Variants in MALT1 observed in about 807,000 individuals in gnomAD.
MALT1 encodes the protein MALT1 paracaspase.
MALT1 carries 36 observed loss-of-function variants against 85.5 expected under a neutral mutation model. That is an observed-to-expected ratio of 0.42 (90% CI 0.32 to 0.56). MALT1 has a LOEUF of 0.56. Among genes scored for constraint, MALT1 ranks in the 20% least tolerant of loss-of-function variants. MALT1 has a pLI of 0.10. For missense variants in MALT1, 716 were observed against 981.6 expected (o/e 0.73, Z 3.62); for synonymous variants, 359 against 361.3 (o/e 0.99, Z 0.07).
intron 1 of MALT1, among the ~76,000 whole-genome samples, chr18:58,675,634 A>G (rs766414836): frequency 6.6e-6 from 1 of 152,212 alleles, no homozygotes; most frequent in African/African-American, 2.4e-5. Context: ...ACAGAATTTT[A>G]TTGATTTAGG....
intron 2 of MALT1, among the ~76,000 whole-genome samples, chr18:58,689,252 A>G (rs1355413227): frequency 9.6e-6 from 1 of 104,152 alleles, no homozygotes; most frequent in Non-Finnish European, 1.8e-5. Flanking sequence ...CTGCCATTTT[A>G]CAATGTAAAA....
At position 58,747,655 on chromosome 18, in the gene MALT1, C is replaced by T. The variant is rs768162253; in HGVS notation, c.2288C>T (p.Ser763Leu). The T allele has an allele frequency of 1.2e-6, 2 of 1,614,036 alleles. No homozygotes were observed. Among genetic ancestry groups the T allele is most frequent in the African/African-American group, 2.7e-5 (2 of 74,930 alleles). ...LQDPFHGVYHSHPGNPSNVTP... is the reference protein window; with the variant it reads ...LQDPFHGVYHLHPGNPSNVTP... Reference sequence around the variant, plus strand: ...GACCCATTCCATGGTGTTTACCATTCACATCCTGGTAATCCAAGTAATGTT... The same window carrying T: ...GACCCATTCCATGGTGTTTACCATTTACATCCTGGTAATCCAAGTAATGTT... Residue 763 changes from serine to leucine, a missense_variant, in exon 17 of 17, where the codon TCA (serine) becomes TTA (leucine). By Grantham distance (145) the Ser-to-Leu change is moderately radical. Transcript: ENST00000649217.
chr18:58,680,658 GATTT>G (rs2054306043), intron 1 of MALT1, among the ~76,000 whole-genome samples: 2 of 152,248 alleles, frequency 1.3e-5, no homozygotes, highest in East Asian at 3.9e-4. Flanking sequence ...TCATTCTCCT[GATTT>G]AATAATCATG....
chr18:58,676,450 C>T (rs568543699), intron 1 of MALT1, among the ~76,000 whole-genome samples: 1 of 152,292 alleles, frequency 6.6e-6, no homozygotes, highest in African/African-American at 2.4e-5. Context: ...CTGATATCTT[C>T]TTGTCTCCAT....
At chr18:58,720,520 A>C (rs2054968899) in intron 9 of MALT1, among the ~76,000 whole-genome samples, 1 of 152,196 alleles carries the variant, frequency 6.6e-6, no homozygotes, top group African/African-American at 2.4e-5. Context: ...CATTGGAGGA[A>C]AATTTTAGAA....
rs1423846160 is a variant in MALT1, at chr18:58,754,109, G to A, written c.*6267G>A. ...CTTGCAGTTTATAGATGAACTGATTGTTAGGCTAACCAGAGGTGTTACTAT... is the reference window on the plus strand; with the variant it reads ...CTTGCAGTTTATAGATGAACTGATTATTAGGCTAACCAGAGGTGTTACTAT... On this transcript the variant is annotated 3_prime_UTR_variant, in exon 17 of 17. Transcript: ENST00000649217. The A allele has an allele frequency of 1.3e-5, 2 of 152,174 alleles. No individual in the cohort carries two copies. The highest frequency in any genetic ancestry group is 2.9e-5 in the Non-Finnish European group (2 of 68,030). 9.4% of individuals were successfully genotyped at this position (152,174 alleles called of 1,614,324 possible).
chr18:58,699,974 G>A lies in MALT1; in HGVS notation c.499-467G>A, dbSNP rs111599851. ...CTTACAGAATTTTGCAGATCAGAAG[G>A]TCCGGGGTCTCAAGGTGAAATAACT... is the stretch of plus-strand genomic sequence containing the variant. On this transcript the variant is annotated intron_variant, in intron 3 of 16. Transcript: ENST00000649217. Among the ~76,000 whole-genome samples, 1,092 of 152,340 alleles carry A rather than the reference G, an allele frequency of 7.2e-3. 15 individuals are homozygous for A. The highest frequency in any genetic ancestry group is 0.025 in the African/African-American group (1,041 of 41,572).
Position 58,745,653 on chromosome 18 carries a change from T to G in MALT1, c.1912-13T>G. 6.2e-7 allele frequency: 1 copy of G among 1,605,446 alleles called. No homozygotes were observed. The highest frequency in any genetic ancestry group is 8.5e-7 in the Non-Finnish European group (1 of 1,175,092). On this transcript the variant is annotated splice_polypyrimidine_tract_variant and intron_variant, in intron 15 of 16. Coordinates refer to ENST00000649217, the MANE Select transcript of MALT1 (RefSeq NM_006785.4). ...ATTTCATTATTAACAGTCCCTAATT[T>G]TTTTTTTTACAGGATCTAGATATTG...
At chr18:58,722,981 C>T (rs1602322881) in intron 9 of MALT1, 67 bp from the exon 10 acceptor site, 4 of 989,960 alleles carry the variant, frequency 4.0e-6, no homozygotes, top group South Asian at 1.5e-5. Context: ...ATTATAATAC[C>T]ATCTCCATAG....
At position 58,715,986 on chromosome 18, in the gene MALT1, T is replaced by C. The variant is rs371495313; in HGVS notation, c.1018+19T>C. The C allele has an allele frequency of 1.3e-6, 2 of 1,561,950 alleles. No individual in the cohort carries two copies. The highest frequency in any genetic ancestry group is 2.2e-5 in the East Asian group (1 of 44,560). ...CCTTTGGGTGAGTAGAACTTTAAAA[T>C]GCATTATCAAAGTATAATTATTGTG... On this transcript the variant is annotated intron_variant, in intron 9 of 16. Coordinates refer to ENST00000649217, the MANE Select transcript of MALT1 (RefSeq NM_006785.4).
chr18:58,696,400 A>T lies in MALT1; in HGVS notation c.411A>T (p.Ala137=). The T allele has an allele frequency of 6.4e-7, 1 of 1,553,688 alleles. No individual in the cohort carries two copies. The highest frequency in any genetic ancestry group is 8.7e-7 in the Non-Finnish European group (1 of 1,151,370). ...IKITVNPESK[A]VLAGQFVKLC... Reference sequence around the variant, plus strand: ...TTACTGTAAACCCAGAGTCAAAGGCAGTCTTGGCTGGACAGTTTGTGAAAC... The same window carrying T: ...TTACTGTAAACCCAGAGTCAAAGGCTGTCTTGGCTGGACAGTTTGTGAAAC... The change falls in exon 3 of 17, where the codon GCA becomes GCT. Residue 137 remains alanine (A), a synonymous_variant. Coordinates refer to ENST00000649217, the MANE Select transcript of MALT1 (RefSeq NM_006785.4).
At chr18:58,723,839 T>C (rs2055017399) in intron 10 of MALT1, among the ~76,000 whole-genome samples, 1 of 152,252 alleles carries the variant, frequency 6.6e-6, no homozygotes, top group Non-Finnish European at 1.5e-5. Context: ...TTTTCCCCAT[T>C]CTTTCACCTA....
chr18:58,721,764 G>A (rs77767290), intron 9 of MALT1, among the ~76,000 whole-genome samples: 7,186 of 152,204 alleles, frequency 0.047, 204 homozygotes, highest in East Asian at 0.072. Context: ...TATTGTAGAC[G>A]TCGAGTCAGC....
intron 2 of MALT1, among the ~76,000 whole-genome samples, chr18:58,684,177 A>G (rs1355790969): frequency 6.6e-6 from 1 of 152,090 alleles, no homozygotes; most frequent in Non-Finnish European, 1.5e-5. Context: ...TAAGCAGTCC[A>G]CCTGCCCTGG....
intron 1 of MALT1, chr18:58,675,535 C>T (rs1356621925): frequency 6.6e-6 from 1 of 152,144 alleles, no homozygotes; most frequent in Non-Finnish European, 1.5e-5. Flanking sequence ...TTGCTTGAGC[C>T]CAGGAGTTCG....
At chr18:58,698,075 G>GTTTTTTTTT (rs1315560558) in intron 3 of MALT1, among the ~76,000 whole-genome samples, 1 of 92,834 alleles carries the variant, frequency 1.1e-5, no homozygotes, top group African/African-American at 3.2e-5. Flanking sequence ...TTGTTTTTTT[G>GTTTTTTTTT]TTTTTTTTTT....
At chr18:58,711,773 C>T (rs546006036) in intron 7 of MALT1, among the ~76,000 whole-genome samples, 3 of 152,114 alleles carry the variant, frequency 2.0e-5, no homozygotes, top group Non-Finnish European at 4.4e-5. Context: ...TTCTGATTTT[C>T]CTGTCCTTCA....
chr18:58,724,477 A>ATTCTT lies in MALT1; in HGVS notation c.1222+1226_1222+1227insTTCTT, dbSNP rs1321698760. On this transcript the variant is annotated intron_variant, in intron 10 of 16. Coordinates refer to ENST00000649217, the MANE Select transcript of MALT1 (RefSeq NM_006785.4). ...GAATCCATCCATTTTTTTCTTATGA[A>ATTCTT]AATATGAAAGAATATACAATGCAAA... Among the ~76,000 whole-genome samples the ATTCTT allele has an allele frequency of 1.5e-4, 23 of 152,278 alleles. 1 individual carries two copies. The South Asian group carries it at 4.1e-3, about 27-fold the overall frequency.
chr18:58,735,072 C>T, intron 12 of MALT1, 130 bp from the exon 13 acceptor site: 1 of 740,610 alleles, frequency 1.4e-6, no homozygotes, highest in Non-Finnish European at 2.2e-6. Flanking sequence ...CCCACCCCCC[C>T]CCAGCCTCTG....
Sources: allele counts gnomAD v4.1 joint callset (sites outside exome capture counted in the v4.1 genomes callset), GRCh38; gene constraint gnomAD v4.1.1; transcripts MANE v1.5; gene names NCBI Gene and HGNC (gene_info 2026-07-23, HGNC 2026-07-21).